Variants in TFEC observed in about 807,000 individuals in gnomAD.
TFEC encodes the protein transcription factor EC.
Under a neutral mutation model 41.6 loss-of-function variants are expected in TFEC, and 31 were observed. The observed-to-expected ratio is 0.74, with a 90% CI of 0.56 to 1.01. The LOEUF (loss-of-function observed/expected upper bound fraction) is 1.01. Ranked by LOEUF, TFEC falls within the 50% of genes least tolerant of loss-of-function variation. The pLI is 0.00. For synonymous variants in TFEC, 143 were observed against 140.6 expected (o/e 1.02, Z -0.12); for missense variants, 402 against 404.1 (o/e 0.99, Z 0.04).
chr7:116,033,693 A>G (rs1795841262), upstream of TFEC, among the ~76,000 whole-genome samples: 1 of 152,058 alleles, frequency 6.6e-6, no homozygotes, highest in African/African-American at 2.4e-5. Context: ...ACCACCACCT[A>G]GCAATGCCCT....
chr7:115,941,712 T>G, intron 7 of TFEC, 181 bp downstream of exon 7: 1 of 682,362 alleles, frequency 1.5e-6, no homozygotes. Flanking sequence ...GATCCTGGAT[T>G]TCTAGTCAAA....
chr7:116,046,693 C>A (rs964016097), intron 3 of TFEC, among the ~76,000 whole-genome samples: 1 of 152,064 alleles, frequency 6.6e-6, no homozygotes, highest in African/African-American at 2.4e-5. Flanking sequence ...TGTTTTATAC[C>A]GTAAGTTCTA....
At chr7:116,094,985 G>A (rs1797418410) in intron 3 of TFEC, among the ~76,000 whole-genome samples, 1 of 152,136 alleles carries the variant, frequency 6.6e-6, no homozygotes, top group Admixed American at 6.5e-5. Flanking sequence ...ATATGCCTGG[G>A]ATATTCAGCA....
intron 1 of TFEC, among the ~76,000 whole-genome samples, chr7:116,003,412 A>G (rs1237029289): frequency 6.6e-6 from 1 of 152,144 alleles, no homozygotes; most frequent in African/African-American, 2.4e-5. Context: ...GATGATTTAA[A>G]AAAAGATCAA....
intron 1 of TFEC, among the ~76,000 whole-genome samples, chr7:116,145,333 T>C (rs1798621060): frequency 6.6e-6 from 1 of 152,198 alleles, no homozygotes; most frequent in Admixed American, 6.5e-5. Context: ...CTGATGATTG[T>C]GACTCCTGCT....
intron 3 of TFEC, among the ~76,000 whole-genome samples, chr7:116,065,571 G>C (rs901542020): frequency 6.6e-6 from 1 of 152,080 alleles, no homozygotes; most frequent in African/African-American, 2.4e-5. Flanking sequence ...AAGCCAAAAA[G>C]TATGGTTCAA....
chr7:116,088,479 C>T (rs544426370), intron 3 of TFEC, among the ~76,000 whole-genome samples: 21 of 152,118 alleles, frequency 1.4e-4, no homozygotes, highest in African/African-American at 4.6e-4. Flanking sequence ...TTTCTTTATA[C>T]ATAAACTGGG....
At chr7:116,025,096 C>A (rs2130869040) in intron 1 of TFEC, among the ~76,000 whole-genome samples, 1 of 152,214 alleles carries the variant, frequency 6.6e-6, no homozygotes, top group African/African-American at 2.4e-5. Flanking sequence ...AATGAATTGG[C>A]AATACATTTT....
chr7:116,104,375 G>A (rs966122372), intron 3 of TFEC, among the ~76,000 whole-genome samples: 4 of 152,058 alleles, frequency 2.6e-5, no homozygotes, highest in Non-Finnish European at 4.4e-5. Flanking sequence ...ATGTTATTCA[G>A]GCAACACAAT....
chr7:115,999,626 A>C (rs886725558), intron 1 of TFEC, among the ~76,000 whole-genome samples: 3 of 151,992 alleles, frequency 2.0e-5, no homozygotes, highest in Non-Finnish European at 4.4e-5. Flanking sequence ...AAATGAAATG[A>C]GAGATGAAAA....
intron 3 of TFEC, among the ~76,000 whole-genome samples, chr7:116,036,954 TA>T (rs1464177035): frequency 6.6e-6 from 1 of 152,058 alleles, no homozygotes; most frequent in African/African-American, 2.4e-5. Context: ...TGATAATAGA[TA>T]ACATTTAAGT....
intron 1 of TFEC, among the ~76,000 whole-genome samples, chr7:115,987,138 GA>G (rs1411465284): frequency 6.6e-6 from 1 of 152,146 alleles, no homozygotes; most frequent in Non-Finnish European, 1.5e-5. Flanking sequence ...TATCTGTGAG[GA>G]ATTACAAAAG....
chr7:116,156,256 T>G (rs2116492613), intron 1 of TFEC, among the ~76,000 whole-genome samples: 1 of 152,260 alleles, frequency 6.6e-6, no homozygotes, highest in South Asian at 2.1e-4. Context: ...CAAAGACAGC[T>G]CATGGAGCAT....
In TFEC at chr7:116,159,775, C is replaced by T. The variant is rs541221293; in HGVS notation, c.-69+15G>A. The T allele has an allele frequency of 7.6e-4, 116 of 152,166 alleles. 1 individual carries two copies. The highest frequency in any genetic ancestry group is 2.6e-3 in the African/African-American group (110 of 41,530). The allele number at this position is 152,166 out of a possible 1,614,324, so 9.4% of individuals were successfully genotyped here. On this transcript the variant is annotated intron_variant, in intron 1 of 8. Transcript: ENST00000484212. Reference sequence around the variant, plus strand: ...ACTTTGTAGTTCCAATTAAATAATTCAGAGGAAAAATTACCTTTGCTGGTG... The same window carrying T: ...ACTTTGTAGTTCCAATTAAATAATTTAGAGGAAAAATTACCTTTGCTGGTG...
intron 1 of TFEC, among the ~76,000 whole-genome samples, chr7:116,115,205 A>T (rs1584535450): frequency 6.6e-6 from 1 of 152,034 alleles, no homozygotes; most frequent in Non-Finnish European, 1.5e-5. Context: ...GACCTCAGTT[A>T]TTTCTAATAC....
intron 1 of TFEC, among the ~76,000 whole-genome samples, chr7:116,012,907 A>G (rs1348043659): frequency 6.6e-6 from 1 of 150,958 alleles, no homozygotes; most frequent in East Asian, 1.9e-4. Flanking sequence ...TCCTTATTTT[A>G]TGGGTTGATA....
intron 5 of TFEC, 37 bp downstream of exon 5, chr7:115,954,548 CT>C: frequency 6.4e-7 from 1 of 1,568,292 alleles, no homozygotes. Flanking sequence ...TATGCATTTC[CT>C]TTTGCATTAA....
chr7:116,069,018 A>G (rs569982401), intron 3 of TFEC, among the ~76,000 whole-genome samples: 5 of 151,814 alleles, frequency 3.3e-5, no homozygotes, highest in African/African-American at 4.8e-5. Flanking sequence ...AGATTTGTCA[A>G]ATTTAGGGTT....
At chr7:116,104,755 A>C (rs903083497) in intron 3 of TFEC, among the ~76,000 whole-genome samples, 6 of 145,630 alleles carry the variant, frequency 4.1e-5, no homozygotes, top group Non-Finnish European at 6.0e-5. Flanking sequence ...GTATTTCACA[A>C]AAAAAAAAAA....
Sources: allele counts gnomAD v4.1 joint callset (sites outside exome capture counted in the v4.1 genomes callset), GRCh38; gene constraint gnomAD v4.1.1; transcripts MANE v1.5; gene names NCBI Gene and HGNC (gene_info 2026-07-23, HGNC 2026-07-21).